DPYSL2: variants seen among roughly 807,000 people sequenced by gnomAD.
DPYSL2 encodes the protein dihydropyrimidinase-related protein 2.
Under a neutral mutation model 69.9 loss-of-function variants are expected in DPYSL2, and 13 were observed. That is an observed-to-expected ratio of 0.19 (90% CI 0.12 to 0.30). The LOEUF is 0.30. Among genes scored for constraint, DPYSL2 ranks in the 10% least tolerant of loss-of-function variants. DPYSL2 has a pLI of 1.00. For missense variants in DPYSL2, 587 were observed against 918.9 expected, an observed-to-expected ratio of 0.64 and a Z score of 4.67; for synonymous variants, 326 against 359.1, an observed-to-expected ratio of 0.91 and a Z score of 1.04.
At chr8:26,637,807 A>T (rs1227609564) in intron 8 of DPYSL2, 3 of 152,304 alleles carry the variant, frequency 2.0e-5, no homozygotes, top group African/African-American at 7.2e-5. Flanking sequence ...CAAGGGGAGG[A>T]TAGTAACCAT....
At position 26,547,255 on chromosome 8, in the gene DPYSL2, C is replaced by T. The variant is rs530507570; in HGVS notation, c.354+32576C>T. Among the ~76,000 whole-genome samples, 5 of 151,980 alleles carry T rather than the reference C, an allele frequency of 3.3e-5. No individual in the cohort carries two copies. In the South Asian group the frequency reaches 1.0e-3, roughly 32 times the overall value. ...GCACACACCTGTAATCCCAGCTACT[C>T]GGGTGGCTGAGGCAAGAAAACTGCT... On this transcript the variant is annotated intron_variant, in intron 1 of 13. Coordinates refer to ENST00000521913, the MANE Select transcript of DPYSL2 (RefSeq NM_001197293.3).
At position 26,650,480 on chromosome 8, in the gene DPYSL2, A is replaced by G. The variant is rs1020896598; in HGVS notation, c.1597-1777A>G. ...CAGGGATGAGGCTTTTTGTATTGTC[A>G]TCTTCACATACACCTCGGGAGGGTG... On this transcript the variant is annotated intron_variant, in intron 11 of 13. Transcript: ENST00000521913. This position sits in a 1 kb window ranked among gnomAD's most constrained non-coding sequence, Gnocchi z 5.3. 2.0e-5 allele frequency among the ~76,000 whole-genome samples: 3 copies of G among 152,204 alleles called. No homozygotes were observed. Among genetic ancestry groups the G allele is most frequent in the Non-Finnish European group, 2.9e-5 (2 of 68,044 alleles).
In DPYSL2 at chr8:26,580,626, C is replaced by T. The variant is rs1801470639; in HGVS notation, c.355-1343C>T. On this transcript the variant is annotated intron_variant, in intron 1 of 13. Transcript: ENST00000521913. This position sits in a 1 kb window ranked among gnomAD's most constrained non-coding sequence, Gnocchi z 4.1. ...TGTGTAAAATTATCTTTTTTCCTTG[C>T]TCTCTAGTAGCTTATCTCTTTTTTA... is the stretch of plus-strand genomic sequence containing the variant. Among the ~76,000 whole-genome samples, 2 of 152,168 alleles carry T rather than the reference C, an allele frequency of 1.3e-5. No individual in the cohort carries two copies. The highest frequency in any genetic ancestry group is 4.8e-5 in the African/African-American group (2 of 41,430).
chr8:26,527,458 T>C (rs936256917), intron 1 of DPYSL2, among the ~76,000 whole-genome samples: 1 of 152,206 alleles, frequency 6.6e-6, no homozygotes, highest in Non-Finnish European at 1.5e-5. Flanking sequence ...GAAATCCCTT[T>C]GGAATCCATG....
chr8:26,620,322 T>A lies in DPYSL2; in HGVS notation c.629-3821T>A, dbSNP rs1401037619. On this transcript the variant is annotated intron_variant, in intron 3 of 13. Coordinates refer to ENST00000521913, the MANE Select transcript of DPYSL2 (RefSeq NM_001197293.3). This position sits in a 1 kb window ranked among gnomAD's most constrained non-coding sequence, Gnocchi z 4.5. ...CCCAAGCTGGAGTGCAGTGGTGCAATCTCAGCTCACTGCAACCTCCGCCTC... is the reference window on the plus strand; with the variant it reads ...CCCAAGCTGGAGTGCAGTGGTGCAAACTCAGCTCACTGCAACCTCCGCCTC... Among the ~76,000 whole-genome samples the A allele has an allele frequency of 9.2e-5, 14 of 152,092 alleles. No individual in the cohort carries two copies. Among genetic ancestry groups the A allele is most frequent in the African/African-American group, 2.4e-4 (10 of 41,404 alleles).
At chr8:26,546,106 T>G (rs954945394) in intron 1 of DPYSL2, among the ~76,000 whole-genome samples, 2 of 152,244 alleles carry the variant, frequency 1.3e-5, no homozygotes, top group African/African-American at 4.8e-5. Context: ...GACAATATTG[T>G]CTTCCAATCC....
intron 1 of DPYSL2, among the ~76,000 whole-genome samples, chr8:26,528,762 G>A (rs1457675362): frequency 6.6e-6 from 1 of 152,222 alleles, no homozygotes; most frequent in East Asian, 1.9e-4. Context: ...GAAGCACCAC[G>A]TTGGGCAGGA....
intron 1 of DPYSL2, chr8:26,577,881 C>T (rs1211050753): frequency 1.7e-5 from 19 of 1,116,830 alleles, no homozygotes; most frequent in African/African-American, 3.4e-5. Context: ...TGGCTTTTGC[C>T]TGAGAGGAAA....
chr8:26,590,053 C>G (rs897984823), intron 3 of DPYSL2, among the ~76,000 whole-genome samples: 2 of 152,222 alleles, frequency 1.3e-5, no homozygotes, highest in African/African-American at 4.8e-5. Context: ...TTGCTCCCTC[C>G]TTATGGCGAG....
At chr8:26,579,792 C>A (rs1415019307) in intron 1 of DPYSL2, among the ~76,000 whole-genome samples, 1 of 152,028 alleles carries the variant, frequency 6.6e-6, no homozygotes, top group Non-Finnish European at 1.5e-5. Flanking sequence ...GGAGTGGTGA[C>A]TCTGGGGAGG....
chr8:26,525,826 A>G (rs1332920023), intron 1 of DPYSL2, among the ~76,000 whole-genome samples: 1 of 152,108 alleles, frequency 6.6e-6, no homozygotes, highest in East Asian at 1.9e-4. Flanking sequence ...TGTGCTTTCC[A>G]TTGCAGATAT....
At chr8:26,645,926 C>T (rs1472275818) in intron 10 of DPYSL2, among the ~76,000 whole-genome samples, 3 of 149,274 alleles carry the variant, frequency 2.0e-5, no homozygotes, top group Non-Finnish European at 4.5e-5. Context: ...AGTGCAATGG[C>T]GTGATCTTGG....
At position 26,643,379 on chromosome 8, in the gene DPYSL2, G is replaced by A; in HGVS notation, c.1127-60G>A. The A allele has an allele frequency of 2.0e-6, 3 of 1,519,938 alleles. No individual in the cohort carries two copies. The highest frequency in any genetic ancestry group is 2.6e-6 in the Non-Finnish European group (3 of 1,134,694). The allele number at this position is 1,519,938 out of a possible 1,614,324, so 94.2% of individuals were successfully genotyped here. ...GCTGGGCAGGCAGTGGCTCCTCATA[G>A]GGGTGGTTCCCTTCCCCCTGCATTG... On this transcript the variant is annotated intron_variant, in intron 8 of 13. Transcript: ENST00000521913. This position sits in a 1 kb window ranked among gnomAD's most constrained non-coding sequence, Gnocchi z 6.5.
Position 26,610,409 on chromosome 8 carries a change from G to T in DPYSL2, c.629-13734G>T, listed in dbSNP as rs992667350. 1.3e-5 allele frequency among the ~76,000 whole-genome samples: 2 copies of T among 152,142 alleles called. No individual in the cohort carries two copies. Among genetic ancestry groups the T allele is most frequent in the African/African-American group, 4.8e-5 (2 of 41,414 alleles). On this transcript the variant is annotated intron_variant, in intron 3 of 13. Transcript: ENST00000521913. This position sits in a 1 kb window ranked among gnomAD's most constrained non-coding sequence, Gnocchi z 4.5. ...AGTCTGTTTATGTCTGTTGACAGAG[G>T]GTCTCTATGCTTCTTCCTTTTCTAG...
In DPYSL2 at chr8:26,647,487, G is replaced by T. The variant is rs1353038262; in HGVS notation, c.1426-143G>T. Reference sequence around the variant, plus strand: ...TGGAGTCATACAGTGTGTGACCTTTGAGACGGTTTGTGTTTCACTTGGCAC... The same window carrying T: ...TGGAGTCATACAGTGTGTGACCTTTTAGACGGTTTGTGTTTCACTTGGCAC... On this transcript the variant is annotated intron_variant, in intron 10 of 13. Transcript: ENST00000521913. The surrounding 1 kb of genome is among the most constrained non-coding windows in gnomAD (Gnocchi z 5.1). 1 of 844,610 alleles carries T rather than the reference G, an allele frequency of 1.2e-6. No individual in the cohort carries two copies. Among genetic ancestry groups the T allele is most frequent in the Non-Finnish European group, 1.9e-6 (1 of 539,240 alleles). 52.3% of individuals were successfully genotyped at this position (844,610 alleles called of 1,614,324 possible).
At chr8:26,646,475 T>C (rs4076071) in intron 10 of DPYSL2, among the ~76,000 whole-genome samples, 130,872 of 152,172 alleles carry the variant, frequency 0.86, 56,642 homozygotes, top group African/African-American at 0.9. Context: ...TTTTGTGTCT[T>C]ATTGTTTTAC....
intron 3 of DPYSL2, among the ~76,000 whole-genome samples, chr8:26,599,120 C>T (rs1801934628): frequency 6.6e-6 from 1 of 152,142 alleles, no homozygotes; most frequent in African/African-American, 2.4e-5. Flanking sequence ...GAAGCTGATG[C>T]ATAGAAAAGA....
At chr8:26,563,181 T>A (rs1801100477) in intron 1 of DPYSL2, among the ~76,000 whole-genome samples, 1 of 152,152 alleles carries the variant, frequency 6.6e-6, no homozygotes, top group Non-Finnish European at 1.5e-5. Flanking sequence ...GCACTGTTTT[T>A]AAAGGGCCAC....
intron 3 of DPYSL2, among the ~76,000 whole-genome samples, chr8:26,595,351 C>T (rs926247035): frequency 1.3e-5 from 2 of 151,968 alleles, no homozygotes; most frequent in African/African-American, 4.8e-5. Context: ...GAATTTGGAG[C>T]CTGATTTTCT....
Sources: gnomAD v4.1 joint callset for allele counts (sites outside exome capture counted in the v4.1 genomes callset) on GRCh38, gnomAD v4.1.1 for gene constraint, Gnocchi (gnomAD v3.1) non-coding constraint, MANE v1.5 for transcripts, NCBI Gene and HGNC (gene_info 2026-07-23, HGNC 2026-07-21) for gene names.